The following ANKS1B variants were observed in gnomAD, a reference collection of about 807,000 sequenced individuals.
ANKS1B encodes ankyrin repeat and sterile alpha motif domain containing 1B, also known as ankyrin repeat and sterile alpha motif domain-containing protein 1B.
Under a neutral mutation model 148.3 loss-of-function variants are expected in ANKS1B, and 36 were observed. That is an observed-to-expected ratio of 0.24 (90% CI 0.19 to 0.32). The LOEUF is 0.32. ANKS1B is among the 10% of genes least tolerant of loss of function. The probability of loss-of-function intolerance (pLI) is 1.00; values close to 1 mark genes in which losing one functional copy is unlikely to be tolerated. For missense variants in ANKS1B, 1,157 were observed against 1,542.6 expected (o/e 0.75, Z 4.19); for synonymous variants, 542 against 560.8 (o/e 0.97, Z 0.47).
chr12:99,741,481 A>G (rs946171687), intron 8 of ANKS1B, among the ~76,000 whole-genome samples: 3 of 152,140 alleles, frequency 2.0e-5, no homozygotes, highest in Non-Finnish European at 2.9e-5. Context: ...AATAGCAAAG[A>G]CTTGGAACCA....
chr12:98,814,267 G>A (rs1470889090), intron 19 of ANKS1B, among the ~76,000 whole-genome samples: 4 of 152,206 alleles, frequency 2.6e-5, no homozygotes, highest in Admixed American at 6.5e-5. Flanking sequence ...GCAGCTTCAC[G>A]AGAGAGGAAA....
intron 8 of ANKS1B, among the ~76,000 whole-genome samples, chr12:99,669,702 T>TC (rs2098527423): frequency 6.6e-6 from 1 of 152,210 alleles, no homozygotes; most frequent in African/African-American, 2.4e-5. Context: ...CAGATTGATA[T>TC]TCAACTGAAG....
intron 17 of ANKS1B, among the ~76,000 whole-genome samples, chr12:98,902,487 A>G (rs775575537): frequency 6.6e-6 from 1 of 152,252 alleles, no homozygotes; most frequent in Non-Finnish European, 1.5e-5. Flanking sequence ...TAAATGAATC[A>G]GATCATAAAA....
chr12:99,552,117 T>C (rs2097225099), intron 9 of ANKS1B, among the ~76,000 whole-genome samples: 1 of 148,958 alleles, frequency 6.7e-6, no homozygotes, highest in African/African-American at 2.6e-5. Flanking sequence ...TCAGTTCCTG[T>C]AGGACTCAGT....
intron 20 of ANKS1B, among the ~76,000 whole-genome samples, chr12:98,804,407 C>T (rs1405266295): frequency 7.2e-6 from 1 of 138,030 alleles, no homozygotes; most frequent in Non-Finnish European, 1.5e-5. Flanking sequence ...ACTTCTCTCC[C>T]CACCCCTGCC....
intron 25 of ANKS1B, among the ~76,000 whole-genome samples, chr12:98,766,949 G>C (rs1054775009): frequency 6.6e-6 from 1 of 151,478 alleles, no homozygotes; most frequent in African/African-American, 2.4e-5. Context: ...GGCACTACAT[G>C]TGTGTGCCAC....
At chr12:99,004,728 CAT>C (rs1358666384) in intron 17 of ANKS1B, among the ~76,000 whole-genome samples, 1 of 151,864 alleles carries the variant, frequency 6.6e-6, no homozygotes, top group East Asian at 1.9e-4. Flanking sequence ...TTGGGGCCAA[CAT>C]ATTGGCCATG....
chr12:99,976,414 CA>C (rs1457558698), intron 1 of ANKS1B, among the ~76,000 whole-genome samples: 1 of 152,074 alleles, frequency 6.6e-6, no homozygotes, highest in African/African-American at 2.4e-5. Context: ...AAACTGGAGC[CA>C]GGGTGAACTT....
intron 17 of ANKS1B, among the ~76,000 whole-genome samples, chr12:98,884,585 G>A (rs1281454810): frequency 6.6e-6 from 1 of 151,528 alleles, no homozygotes; most frequent in Non-Finnish European, 1.5e-5. Flanking sequence ...GGATCATGAG[G>A]TCAGGAGATC....
chr12:98,976,968 A>C (rs2099897566), intron 17 of ANKS1B, among the ~76,000 whole-genome samples: 1 of 152,216 alleles, frequency 6.6e-6, no homozygotes, highest in Non-Finnish European at 1.5e-5. Context: ...CAAAGTCAAA[A>C]CAAGGTTAGA....
intron 9 of ANKS1B, among the ~76,000 whole-genome samples, chr12:99,544,927 T>G (rs2097159143): frequency 1.3e-5 from 2 of 152,306 alleles, no homozygotes; most frequent in Admixed American, 1.3e-4. Context: ...TGCAAAACAC[T>G]GTCTAATTAT....
At chr12:99,308,327 T>A (rs1433275183) in intron 12 of ANKS1B, among the ~76,000 whole-genome samples, 3 of 152,032 alleles carry the variant, frequency 2.0e-5, no homozygotes, top group Non-Finnish European at 4.4e-5. Flanking sequence ...TCATCTTCCA[T>A]GAATTAGGTT....
intron 8 of ANKS1B, among the ~76,000 whole-genome samples, chr12:99,711,779 A>G (rs1162135368): frequency 6.6e-6 from 1 of 152,196 alleles, no homozygotes. Flanking sequence ...ATTGTGGAAG[A>G]CAGTGTGGAA....
intron 1 of ANKS1B, among the ~76,000 whole-genome samples, chr12:99,935,018 G>C (rs548359367): frequency 1.7e-4 from 26 of 152,042 alleles, no homozygotes; most frequent in African/African-American, 6.3e-4. Context: ...ATATTTGAAT[G>C]TATATACAGT....
intron 17 of ANKS1B, among the ~76,000 whole-genome samples, chr12:98,957,808 G>C (rs189968770): frequency 6.6e-6 from 1 of 152,238 alleles, no homozygotes; most frequent in Non-Finnish European, 1.5e-5. Context: ...AAAGATGTGG[G>C]TTAAAGATTC....
At chr12:99,290,308 G>A (rs934992464) in intron 12 of ANKS1B, among the ~76,000 whole-genome samples, 58 of 147,248 alleles carry the variant, frequency 3.9e-4, no homozygotes, top group African/African-American at 1.3e-3. Flanking sequence ...AAAAGGCGTG[G>A]ACCTGATGGC....
intron 10 of ANKS1B, among the ~76,000 whole-genome samples, chr12:99,486,723 C>A (rs1296741483): frequency 6.6e-6 from 1 of 152,120 alleles, no homozygotes; most frequent in Non-Finnish European, 1.5e-5. Flanking sequence ...CCTGTCAGGT[C>A]AGCAGGAAAG....
chr12:99,137,504 A>T (rs1034138329), intron 15 of ANKS1B, among the ~76,000 whole-genome samples: 3 of 152,194 alleles, frequency 2.0e-5, no homozygotes, highest in Non-Finnish European at 2.9e-5. Context: ...AGATTCACAC[A>T]CATCAAAAGA....
chr12:99,721,259 A>G (rs528285815), intron 8 of ANKS1B, among the ~76,000 whole-genome samples: 1 of 152,148 alleles, frequency 6.6e-6, no homozygotes, highest in African/African-American at 2.4e-5. Flanking sequence ...ACCACCCCCC[A>G]AAATTTTCGT....
Sources: allele counts gnomAD v4.1 joint callset (sites outside exome capture counted in the v4.1 genomes callset), GRCh38; gene constraint gnomAD v4.1.1; transcripts MANE v1.5; gene names NCBI Gene and HGNC (gene_info 2026-07-23, HGNC 2026-07-21).